PCED1B: variants seen among roughly 807,000 people sequenced by gnomAD.
PCED1B encodes PC-esterase domain containing 1B, also known as PC-esterase domain-containing protein 1B.
For missense variants in PCED1B, 573 were observed against 573.9 expected (o/e 1.00, Z 0.02); for synonymous variants, 251 against 246.1 (o/e 1.02, Z -0.19).
At chr12:47,153,371 A>AG (rs1941074775) in intron 2 of PCED1B, among the ~76,000 whole-genome samples, 1 of 151,812 alleles carries the variant, frequency 6.6e-6, no homozygotes, top group Non-Finnish European at 1.5e-5. Flanking sequence ...AAAAAAAAAA[A>AG]AAAAAGAGAA....
intron 2 of PCED1B, among the ~76,000 whole-genome samples, chr12:47,150,074 C>A (rs968692764): frequency 5.9e-5 from 9 of 152,136 alleles, no homozygotes; most frequent in South Asian, 4.1e-4. Context: ...TGTATCAAAT[C>A]ATCATATTGT....
chr12:47,235,647 A>G lies in PCED1B; in HGVS notation c.584A>G (p.Lys195Arg). The G allele has an allele frequency of 6.2e-7, 1 of 1,612,378 alleles. No homozygotes were observed. The highest frequency in any genetic ancestry group is 8.5e-7 in the Non-Finnish European group (1 of 1,179,778). Residue 195 changes from lysine to arginine, a missense_variant, in exon 4 of 4, where the codon AAA (lysine) becomes AGA (arginine). Physicochemically the swap from Lys to Arg is conservative, Grantham distance 26. Transcript: ENST00000546455. The part of the protein sequence containing the change: ...KATFLKNEVV[K>R]ANFHSATEAR... ...ACCTTCCTGAAAAACGAAGTGGTCA[A>G]AGCCAACTTCCACAGCGCCACCGAG...
At chr12:47,220,302 G>T (rs1216859147) in intron 3 of PCED1B, among the ~76,000 whole-genome samples, 1 of 152,082 alleles carries the variant, frequency 6.6e-6, no homozygotes, top group Non-Finnish European at 1.5e-5. Flanking sequence ...CTCCTGAATA[G>T]CTGGGATTAC....
chr12:47,174,860 C>A (rs1190358687), intron 2 of PCED1B, among the ~76,000 whole-genome samples: 1 of 152,164 alleles, frequency 6.6e-6, no homozygotes, highest in Non-Finnish European at 1.5e-5. Context: ...TACTTAGCAT[C>A]ACTGAGCATT....
At chr12:47,229,428 AG>A in intron 3 of PCED1B, among the ~76,000 whole-genome samples, 1 of 151,650 alleles carries the variant, frequency 6.6e-6, no homozygotes, top group East Asian at 1.9e-4. Flanking sequence ...AAAAAAAAAA[AG>A]ATAAGAAAAT....
chr12:47,180,747 A>G (rs1434398370), intron 2 of PCED1B, among the ~76,000 whole-genome samples: 1 of 152,184 alleles, frequency 6.6e-6, no homozygotes, highest in African/African-American at 2.4e-5. Context: ...AAACAAATTT[A>G]TGAGAAAAAA....
intron 2 of PCED1B, among the ~76,000 whole-genome samples, chr12:47,178,784 T>A (rs1942005116): frequency 6.6e-6 from 1 of 151,324 alleles, no homozygotes; most frequent in African/African-American, 2.4e-5. Flanking sequence ...GGAGAACTGC[T>A]TGAACTCAGG....
chr12:47,214,924 T>C (rs574643301), intron 2 of PCED1B, among the ~76,000 whole-genome samples: 2 of 152,264 alleles, frequency 1.3e-5, no homozygotes, highest in East Asian at 3.9e-4. Flanking sequence ...AGTCTCGCTG[T>C]TGCCCAGGCT....
At chr12:47,209,197 C>T (rs762920892) in intron 2 of PCED1B, 5 of 152,266 alleles carry the variant, frequency 3.3e-5, no homozygotes, top group Non-Finnish European at 7.3e-5. Flanking sequence ...CCAGGAAGTC[C>T]TTTCCCTTTT....
At chr12:47,189,758 C>T (rs1942385907) in intron 2 of PCED1B, among the ~76,000 whole-genome samples, 1 of 152,198 alleles carries the variant, frequency 6.6e-6, no homozygotes, top group Non-Finnish European at 1.5e-5. Flanking sequence ...GGACTAGGAG[C>T]CAAACTCTTG....
intron 2 of PCED1B, among the ~76,000 whole-genome samples, chr12:47,198,444 A>G (rs546690959): frequency 6.6e-6 from 1 of 152,306 alleles, no homozygotes; most frequent in African/African-American, 2.4e-5. Flanking sequence ...TACACCTAAC[A>G]TCATGCTTAA....
At chr12:47,161,154 T>A (rs1332160402) in intron 2 of PCED1B, among the ~76,000 whole-genome samples, 1 of 152,210 alleles carries the variant, frequency 6.6e-6, no homozygotes, top group Non-Finnish European at 1.5e-5. Context: ...TCTTTATAAA[T>A]CACTCAGTCT....
At chr12:47,135,432 T>G (rs1592184955) in intron 2 of PCED1B, 1 of 287,380 alleles carries the variant, frequency 3.5e-6, no homozygotes, top group African/African-American at 2.3e-5. Flanking sequence ...GAAGGCGGAG[T>G]GCATGGGAGA....
chr12:47,188,002 G>T (rs1413049365), intron 2 of PCED1B: 1 of 154,098 alleles, frequency 6.5e-6, no homozygotes, highest in Admixed American at 6.6e-5. Context: ...ACTGCAACAA[G>T]TTCTTTGCCC....
At chr12:47,107,670 G>A (rs1939015406) in intron 2 of PCED1B, among the ~76,000 whole-genome samples, 1 of 152,180 alleles carries the variant, frequency 6.6e-6, no homozygotes, top group South Asian at 2.1e-4. Flanking sequence ...ACCCTGGCAG[G>A]GAAGGATGCA....
chr12:47,213,153 A>G (rs759612533), intron 2 of PCED1B, among the ~76,000 whole-genome samples: 22 of 152,214 alleles, frequency 1.4e-4, no homozygotes, highest in Non-Finnish European at 2.1e-4. Context: ...AAGTTTGCAC[A>G]TACTTCGTGC....
At chr12:47,139,240 T>C (rs1262386618) in intron 2 of PCED1B, among the ~76,000 whole-genome samples, 1 of 152,202 alleles carries the variant, frequency 6.6e-6, no homozygotes, top group African/African-American at 2.4e-5. Flanking sequence ...GATGTTAGAC[T>C]AAATTAGATG....
chr12:47,082,724 A>G (rs1937802885), intron 1 of PCED1B, among the ~76,000 whole-genome samples: 2 of 152,186 alleles, frequency 1.3e-5, no homozygotes, highest in African/African-American at 4.8e-5. Context: ...TGTGTTCCAA[A>G]TTATTTGAAA....
At chr12:47,230,241 C>T (rs566203016) in intron 3 of PCED1B, among the ~76,000 whole-genome samples, 6 of 148,348 alleles carry the variant, frequency 4.0e-5, no homozygotes, top group Non-Finnish European at 7.4e-5. Context: ...CCAGCCACCA[C>T]GCCCTGCTAA....
Sources: allele counts gnomAD v4.1 joint callset (sites outside exome capture counted in the v4.1 genomes callset), GRCh38; gene constraint gnomAD v4.1.1; transcripts MANE v1.5; gene names NCBI Gene and HGNC (gene_info 2026-07-23, HGNC 2026-07-21).